Variants in FAM120B observed in about 807,000 individuals in gnomAD.
The protein encoded by FAM120B is family with sequence similarity 120 member B.
Under a neutral mutation model 96.3 loss-of-function variants are expected in FAM120B, and 83 were observed. That is an observed-to-expected ratio of 0.86 (90% CI 0.72 to 1.03). The LOEUF (loss-of-function observed/expected upper bound fraction) is 1.03. FAM120B is among the 50% of genes least tolerant of loss of function. The probability of loss-of-function intolerance (pLI) is 0.00; values close to 1 mark genes in which losing one functional copy is unlikely to be tolerated. For synonymous variants in FAM120B, 407 were observed against 402.7 expected, an observed-to-expected ratio of 1.01 and a Z score of -0.13; for missense variants, 1,027 against 1,121.2, an observed-to-expected ratio of 0.92 and a Z score of 1.20.
At chr6:170,322,898 TTTGAAA>T (rs1785386942) in intron 2 of FAM120B, among the ~76,000 whole-genome samples, 175 bp from the exon 3 acceptor site, 2 of 151,842 alleles carry the variant, frequency 1.3e-5, no homozygotes, top group Admixed American at 1.3e-4. Context: ...GAATAGAAAG[TTTGAAA>T]TTGGTAGTCC....
At chr6:170,360,035 A>C (rs1193011622) in intron 6 of FAM120B, among the ~76,000 whole-genome samples, 1 of 152,116 alleles carries the variant, frequency 6.6e-6, no homozygotes, top group South Asian at 2.1e-4. Flanking sequence ...TTTCCATTAT[A>C]GTCTGGGGGC....
At chr6:170,365,736 G>A in intron 6 of FAM120B, among the ~76,000 whole-genome samples, 1 of 136,578 alleles carries the variant, frequency 7.3e-6, no homozygotes, top group South Asian at 2.7e-4. Context: ...CCCCTGCCAG[G>A]CTGCCTGGAG....
rs1173845458 is a variant in FAM120B at position 170,404,825 on chromosome 6, C to T, written c.*74C>T. The stretch of plus-strand genomic sequence containing the variant: ...AGAGCCCTGCCAGCGCCCTCCTCTG[C>T]TGTTGCAGCTGCAAGGAGACCATGC... On this transcript the variant is annotated 3_prime_UTR_variant, in exon 11 of 11. Transcript: ENST00000476287. 1 of 530,254 alleles carries T rather than the reference C, an allele frequency of 1.9e-6. No homozygotes were observed. The highest frequency in any genetic ancestry group is 3.1e-5 in the East Asian group (1 of 32,564). The allele number at this position is 530,254 out of a possible 1,614,324, so 32.8% of individuals were successfully genotyped here.
rs1435303571 is a variant in FAM120B at position 170,317,513 on chromosome 6, T to C, written c.123T>C (p.Ile41=). Residue 41 remains isoleucine, a synonymous_variant, in exon 2 of 11, where the codon ATT becomes ATC. Coordinates refer to ENST00000476287, the MANE Select transcript of FAM120B (RefSeq NM_032448.3). The stretch of plus-strand genomic sequence containing the variant: ...AGTATCCTGGATGTACCCCTACCAT[T>C]GTGGTTGATGCCATGTGTTGTCTCA... ...RSKYPGCTPT[I]VVDAMCCLRY... is the part of the protein sequence containing the mutation. 6.2e-7 allele frequency: 1 copy of C among 1,614,246 alleles called. No individual in the cohort carries two copies. The highest frequency in any genetic ancestry group is 1.1e-5 in the South Asian group (1 of 91,088).
intron 1 of FAM120B, among the ~76,000 whole-genome samples, chr6:170,299,183 GT>G (rs1010559816): frequency 1.3e-5 from 2 of 151,978 alleles, no homozygotes; most frequent in African/African-American, 2.4e-5. Flanking sequence ...TTGTGGGAAG[GT>G]TTTTTTTATT....
chr6:170,355,112 C>T (rs1300532483), intron 5 of FAM120B, among the ~76,000 whole-genome samples: 1 of 152,152 alleles, frequency 6.6e-6, no homozygotes, highest in African/African-American at 2.4e-5. Context: ...CACTTTTACA[C>T]TGTTGGTTGG....
At chr6:170,386,239 C>T (rs1790179421) in intron 6 of FAM120B, among the ~76,000 whole-genome samples, 1 of 152,172 alleles carries the variant, frequency 6.6e-6, no homozygotes, top group South Asian at 2.1e-4. Context: ...TCTGTACCTT[C>T]CTCTCAATTT....
upstream of FAM120B, among the ~76,000 whole-genome samples, chr6:170,291,796 G>A (rs1783883806): frequency 6.6e-6 from 1 of 152,096 alleles, no homozygotes; most frequent in African/African-American, 2.4e-5. Flanking sequence ...CCCGGGGGCC[G>A]GACAGCATAT....
intron 6 of FAM120B, among the ~76,000 whole-genome samples, chr6:170,379,147 AG>A (rs1789757431): frequency 6.6e-6 from 1 of 152,224 alleles, no homozygotes; most frequent in South Asian, 2.1e-4. Flanking sequence ...GCTATAGTGC[AG>A]GGGTCCTTTA....
chr6:170,317,211 T>A (rs891819110), intron 1 of FAM120B, among the ~76,000 whole-genome samples, 159 bp from the exon 2 acceptor site: 1 of 152,236 alleles, frequency 6.6e-6, no homozygotes, highest in African/African-American at 2.4e-5. Context: ...TATGTTTGAA[T>A]TGAGAACTCT....
At chr6:170,300,456 C>G (rs575925729) in intron 1 of FAM120B, among the ~76,000 whole-genome samples, 2 of 152,270 alleles carry the variant, frequency 1.3e-5, no homozygotes, top group South Asian at 4.2e-4. Context: ...GGGGATACAG[C>G]AAAACCATAT....
intron 6 of FAM120B, among the ~76,000 whole-genome samples, chr6:170,369,854 C>T (rs1357583250): frequency 1.3e-5 from 2 of 152,110 alleles, no homozygotes; most frequent in African/African-American, 4.8e-5. Flanking sequence ...GGAACCTTTG[C>T]ACCTTGTAGG....
intron 6 of FAM120B, among the ~76,000 whole-genome samples, chr6:170,372,581 G>C (rs1003162267): frequency 6.6e-6 from 1 of 152,170 alleles, no homozygotes; most frequent in African/African-American, 2.4e-5. Flanking sequence ...TACTGTGTGG[G>C]CTTTTAGACA....
chr6:170,302,250 G>A (rs1784155764), upstream of FAM120B, among the ~76,000 whole-genome samples: 1 of 152,198 alleles, frequency 6.6e-6, no homozygotes, highest in Non-Finnish European at 1.5e-5. Flanking sequence ...AATGTGGAGT[G>A]ACGCAGGGGA....
intron 6 of FAM120B, among the ~76,000 whole-genome samples, chr6:170,387,948 C>T (rs537341695): frequency 6.6e-5 from 10 of 152,294 alleles, no homozygotes; most frequent in Non-Finnish European, 1.0e-4. Flanking sequence ...TTTCTGTTCT[C>T]GGCCTAGAGG....
At chr6:170,314,731 A>G (rs200933750) in intron 1 of FAM120B, among the ~76,000 whole-genome samples, 1 of 152,336 alleles carries the variant, frequency 6.6e-6, no homozygotes, top group East Asian at 1.9e-4. Context: ...CTTTTTATAC[A>G]TTTTATTCCC....
intron 5 of FAM120B, among the ~76,000 whole-genome samples, chr6:170,353,852 T>C (rs1323264493): frequency 6.6e-6 from 1 of 152,238 alleles, no homozygotes; most frequent in Non-Finnish European, 1.5e-5. Context: ...TGGCCCAAAG[T>C]AATTTATAGA....
intron 4 of FAM120B, among the ~76,000 whole-genome samples, chr6:170,334,547 GGTGTGTGTGT>G (rs10560646): frequency 2.7e-5 from 4 of 149,682 alleles, no homozygotes; most frequent in East Asian, 2.0e-4. Context: ...AAAGGAAGCT[GGTGTGTGTGT>G]GTGTGTGTGT....
chr6:170,358,264 T>G lies in FAM120B; in HGVS notation c.2229T>G (p.Ile743Met). The G allele has an allele frequency of 6.2e-7, 1 of 1,606,858 alleles. No individual in the cohort carries two copies. The highest frequency in any genetic ancestry group is 1.1e-5 in the South Asian group (1 of 89,936). The stretch of plus-strand genomic sequence containing the variant: ...GCCTGGAGGATTTGCATGCGTTTAT[T>G]GCGCAGGCCTTGTGCCTCCAAGGAA... ...TLCLEDLHAF[I>M]AQALCLQGKS... The change falls in exon 6 of 11, where the codon ATT becomes ATG. Residue 743 changes from isoleucine (I) to methionine (M), a missense_variant. Physicochemically the swap from Ile to Met is conservative, Grantham distance 10. This residue lies in a region of FAM120B where 880 missense variants were observed against 980.9 expected (regional missense o/e 0.90). Coordinates refer to ENST00000476287, the MANE Select transcript of FAM120B (RefSeq NM_032448.3).
Sources: allele counts gnomAD v4.1 joint callset (sites outside exome capture counted in the v4.1 genomes callset), GRCh38; gene constraint gnomAD v4.1.1; regional missense constraint gnomAD v4.1.1; transcripts MANE v1.5; gene names NCBI Gene and HGNC (gene_info 2026-07-23, HGNC 2026-07-21).